Variants in TCF7L1 observed in about 807,000 individuals in gnomAD.
The protein encoded by TCF7L1 is transcription factor 7-like 1.
In TCF7L1, 18 loss-of-function variants were observed where a neutral mutation model predicts 63.7. The observed-to-expected ratio is 0.28, with a 90% CI of 0.20 to 0.42. TCF7L1 has a LOEUF of 0.42. Among genes scored for constraint, TCF7L1 ranks in the 10% least tolerant of loss-of-function variants. The probability of loss-of-function intolerance (pLI) is 1.00; values close to 1 mark genes in which losing one functional copy is unlikely to be tolerated. For synonymous variants in TCF7L1, 355 were observed against 340.9 expected (o/e 1.04, Z -0.46); for missense variants, 654 against 779.3 (o/e 0.84, Z 1.91).
chr2:85,300,249 G>C (rs1681938519), intron 4 of TCF7L1, among the ~76,000 whole-genome samples: 1 of 151,974 alleles, frequency 6.6e-6, no homozygotes, highest in Non-Finnish European at 1.5e-5. Context: ...TTTCACGCTG[G>C]TAATAATTCT....
intron 3 of TCF7L1, among the ~76,000 whole-genome samples, chr2:85,159,944 TG>T (rs1351710677): frequency 2.0e-5 from 3 of 152,200 alleles, no homozygotes; most frequent in African/African-American, 4.8e-5. Flanking sequence ...CGATGCCCAC[TG>T]GCTCTGTAGG....
chr2:85,213,688 G>A (rs1679624261), intron 3 of TCF7L1: 1 of 152,198 alleles, frequency 6.6e-6, no homozygotes, highest in Admixed American at 6.5e-5. Flanking sequence ...GTGCCAAGGA[G>A]CTAAGGTGGG....
intron 3 of TCF7L1, among the ~76,000 whole-genome samples, chr2:85,151,071 A>G (rs1678003860): frequency 6.6e-6 from 1 of 152,220 alleles, no homozygotes; most frequent in African/African-American, 2.4e-5. Flanking sequence ...TTAAAAAATA[A>G]CAGGTTTATT....
At chr2:85,153,294 T>A (rs1678062182) in intron 3 of TCF7L1, among the ~76,000 whole-genome samples, 1 of 152,002 alleles carries the variant, frequency 6.6e-6, no homozygotes, top group Non-Finnish European at 1.5e-5. Context: ...AAACTCATTA[T>A]CTGTTTTAGT....
chr2:85,134,585 A>C lies in TCF7L1; in HGVS notation c.441+135A>C. Reference sequence around the variant, plus strand: ...CAGAACTTGTTTGCGGAGTTGAACTACTCTCTGGCGGCCGAGCGCGAGGCT... The same window carrying C: ...CAGAACTTGTTTGCGGAGTTGAACTCCTCTCTGGCGGCCGAGCGCGAGGCT... On this transcript the variant is annotated intron_variant, in intron 3 of 11. Coordinates refer to ENST00000282111, the MANE Select transcript of TCF7L1 (RefSeq NM_031283.3). The surrounding 1 kb of genome is among the most constrained non-coding windows in gnomAD (Gnocchi z 5.0). The C allele has an allele frequency of 8.8e-6, 11 of 1,244,310 alleles. No individual in the cohort carries two copies. Among genetic ancestry groups the C allele is most frequent in the South Asian group, 1.6e-5 (1 of 63,528 alleles). 77.1% of individuals were successfully genotyped at this position (1,244,310 alleles called of 1,614,324 possible). A position where few individuals can be genotyped will look rare whatever the true frequency, so the allele number is the denominator to read the frequency against.
chr2:85,141,169 A>G (rs1677728154), intron 3 of TCF7L1, among the ~76,000 whole-genome samples: 1 of 152,176 alleles, frequency 6.6e-6, no homozygotes, highest in Non-Finnish European at 1.5e-5. Flanking sequence ...CAGGAGTTCA[A>G]GGCTACAGTG....
At chr2:85,280,759 C>G (rs1054308499) in intron 3 of TCF7L1, among the ~76,000 whole-genome samples, 1 of 152,144 alleles carries the variant, frequency 6.6e-6, no homozygotes, top group Non-Finnish European at 1.5e-5. Context: ...TTCAGCATCC[C>G]TCCAGGAGAA....
intron 11 of TCF7L1, among the ~76,000 whole-genome samples, chr2:85,308,417 T>TCCCTCCCTCCTTTTCTCCC (rs1682177275): frequency 1.5e-5 from 1 of 65,062 alleles, no homozygotes; most frequent in African/African-American, 8.8e-5. Context: ...CCCTTTCCCC[T>TCCCTCCCTCCTTTTCTCCC]TCCCTCCCTC....
At chr2:85,298,206 A>AAAAAAAAAAAAAT (rs1558660087) in intron 4 of TCF7L1, among the ~76,000 whole-genome samples, 5 of 147,252 alleles carry the variant, frequency 3.4e-5, no homozygotes, top group African/African-American at 5.0e-5. Flanking sequence ...AAAAAAAAAA[A>AAAAAAAAAAAAAT]GTGCAGGCCG....
intron 3 of TCF7L1, among the ~76,000 whole-genome samples, chr2:85,246,613 C>A (rs1156310283): frequency 1.3e-5 from 2 of 152,236 alleles, no homozygotes; most frequent in African/African-American, 4.8e-5. Context: ...GGTCTCCTGA[C>A]TTCTCCATCT....
chr2:85,261,122 T>TGGGG (rs201643164), intron 3 of TCF7L1, among the ~76,000 whole-genome samples: 18 of 95,880 alleles, frequency 1.9e-4, no homozygotes, highest in Middle Eastern at 5.1e-3. Flanking sequence ...CAATTATTGC[T>TGGGG]GGTGTGTGTG....
chr2:85,307,513 C>T (rs1682146556), intron 10 of TCF7L1, 129 bp from the exon 11 acceptor site: 2 of 722,938 alleles, frequency 2.8e-6, no homozygotes, highest in East Asian at 5.6e-5. Flanking sequence ...TGAATTATCT[C>T]TCCACACTCT....
At chr2:85,218,603 T>C (rs1209354503) in intron 3 of TCF7L1, among the ~76,000 whole-genome samples, 2 of 149,520 alleles carry the variant, frequency 1.3e-5, no homozygotes, top group East Asian at 2.0e-4. Flanking sequence ...AATCATGAAC[T>C]AGGAAATATT....
At chr2:85,198,058 T>C (rs1399609602) in intron 3 of TCF7L1, among the ~76,000 whole-genome samples, 1 of 152,186 alleles carries the variant, frequency 6.6e-6, no homozygotes, top group Admixed American at 6.5e-5. Flanking sequence ...ACAAAGACCT[T>C]TATTGCTACA....
At chr2:85,197,512 A>G (rs1367479313) in intron 3 of TCF7L1, among the ~76,000 whole-genome samples, 1 of 152,224 alleles carries the variant, frequency 6.6e-6, no homozygotes, top group Non-Finnish European at 1.5e-5. Context: ...GATGCGACTA[A>G]AGGCTATCCT....
chr2:85,258,198 G>C (rs1680766370), intron 3 of TCF7L1, among the ~76,000 whole-genome samples: 1 of 152,030 alleles, frequency 6.6e-6, no homozygotes, highest in Admixed American at 6.5e-5. Context: ...CCAAATCCTT[G>C]CCTGTGCACA....
chr2:85,304,213 G>A (rs1405601459), intron 6 of TCF7L1, 42 bp from the exon 7 acceptor site: 2 of 1,588,650 alleles, frequency 1.3e-6, no homozygotes, highest in Admixed American at 3.4e-5. Flanking sequence ...CCTCTGCCCT[G>A]AGCTTTCCCA....
intron 3 of TCF7L1, among the ~76,000 whole-genome samples, chr2:85,173,370 C>T (rs1678599256): frequency 6.6e-6 from 1 of 152,050 alleles, no homozygotes; most frequent in Admixed American, 6.6e-5. Context: ...GGCCCACAGC[C>T]TGACAGGGAG....
chr2:85,189,586 C>A (rs960298399), intron 3 of TCF7L1, among the ~76,000 whole-genome samples: 1 of 152,220 alleles, frequency 6.6e-6, no homozygotes, highest in Admixed American at 6.5e-5. Flanking sequence ...GTACAGTTGG[C>A]GGCCAGAGGA....
Sources: allele counts gnomAD v4.1 joint callset (sites outside exome capture counted in the v4.1 genomes callset), GRCh38; gene constraint gnomAD v4.1.1; non-coding constraint Gnocchi (gnomAD v3.1); transcripts MANE v1.5; gene names NCBI Gene and HGNC (gene_info 2026-07-23, HGNC 2026-07-21).